The following MCU variants were observed in gnomAD, a reference collection of about 807,000 sequenced individuals.
The protein encoded by MCU is mitochondrial calcium uniporter.
Under a neutral mutation model 45.2 loss-of-function variants are expected in MCU, and 12 were observed. The observed-to-expected ratio is 0.27, with a 90% CI of 0.17 to 0.43. The LOEUF (loss-of-function observed/expected upper bound fraction) is 0.43, where lower values mean the gene tolerates loss of function less well. Among genes scored for constraint, MCU ranks in the 20% least tolerant of loss-of-function variants. The pLI, the probability that MCU is intolerant of heterozygous loss-of-function variation, is 1.00. For synonymous variants in MCU, 160 were observed against 165.1 expected (o/e 0.97, Z 0.24); for missense variants, 324 against 436.7 (o/e 0.74, Z 2.30).
At chr10:72,713,203 A>G (rs895195757) in intron 1 of MCU, among the ~76,000 whole-genome samples, 4 of 152,222 alleles carry the variant, frequency 2.6e-5, no homozygotes, top group African/African-American at 9.6e-5. Context: ...ATTAGAATGA[A>G]AAAATACTTT....
intron 1 of MCU, among the ~76,000 whole-genome samples, chr10:72,710,763 A>C (rs909889673): frequency 3.1e-4 from 47 of 151,818 alleles, no homozygotes; most frequent in African/African-American, 1.0e-3. Context: ...CATTCCTTAG[A>C]CCTCTCTCCC....
chr10:72,798,849 C>A (rs760652588), intron 1 of MCU, among the ~76,000 whole-genome samples: 35 of 152,106 alleles, frequency 2.3e-4, no homozygotes, highest in Non-Finnish European at 4.7e-4. Context: ...AATATAAAAT[C>A]AAACTATATT....
At chr10:72,787,308 G>A (rs998563631) in intron 1 of MCU, among the ~76,000 whole-genome samples, 3 of 152,154 alleles carry the variant, frequency 2.0e-5, no homozygotes, top group African/African-American at 7.2e-5. Flanking sequence ...TCGCTCTGTC[G>A]CCCAGGCTGG....
chr10:72,761,043 G>GT (rs1443456484), intron 1 of MCU, among the ~76,000 whole-genome samples: 1 of 152,044 alleles, frequency 6.6e-6, no homozygotes, highest in Non-Finnish European at 1.5e-5. Flanking sequence ...TAGTGCCACC[G>GT]TAGAATGTTA....
intron 1 of MCU, among the ~76,000 whole-genome samples, chr10:72,770,523 A>G (rs1385986889): frequency 2.0e-5 from 3 of 152,086 alleles, no homozygotes; most frequent in African/African-American, 7.2e-5. Context: ...ATAGGTATAT[A>G]TGTTACAAAC....
intron 1 of MCU, among the ~76,000 whole-genome samples, chr10:72,714,343 G>GTTTTTTTTTTTTTTTTTTTTTTT (rs1479850646): frequency 4.0e-5 from 2 of 49,488 alleles, no homozygotes; most frequent in Non-Finnish European, 1.1e-4. Context: ...CCCCGCCCTG[G>GTTTTTTTTTTTTTTTTTTTTTTT]TCTTTTTTTT....
intron 1 of MCU, among the ~76,000 whole-genome samples, chr10:72,823,190 G>C (rs1283821233): frequency 6.6e-6 from 1 of 152,236 alleles, no homozygotes; most frequent in East Asian, 1.9e-4. Flanking sequence ...CAATAAAAAG[G>C]AATTAAGTAC....
intron 1 of MCU, among the ~76,000 whole-genome samples, chr10:72,757,426 C>T (rs1328586532): frequency 6.6e-6 from 1 of 152,150 alleles, no homozygotes; most frequent in African/African-American, 2.4e-5. Flanking sequence ...TCCTACTTCC[C>T]CAACCCCCAC....
intron 1 of MCU, among the ~76,000 whole-genome samples, chr10:72,706,301 A>G (rs540669651): frequency 6.6e-6 from 1 of 152,064 alleles, no homozygotes; most frequent in Admixed American, 6.6e-5. Flanking sequence ...CCTGTACATT[A>G]GAAATATAGA....
At chr10:72,845,265 A>C (rs1845104252) in intron 2 of MCU, among the ~76,000 whole-genome samples, 1 of 152,160 alleles carries the variant, frequency 6.6e-6, no homozygotes, top group South Asian at 2.1e-4. Flanking sequence ...CAGATGAATT[A>C]AGGAGTAAAA....
chr10:72,880,032 A>G (rs1845676802), intron 6 of MCU, among the ~76,000 whole-genome samples: 1 of 152,236 alleles, frequency 6.6e-6, no homozygotes, highest in Admixed American at 6.5e-5. Flanking sequence ...TGGGTGACAG[A>G]GTGAGACTCT....
chr10:72,831,464 A>G (rs1044551285), intron 1 of MCU, among the ~76,000 whole-genome samples: 1 of 152,210 alleles, frequency 6.6e-6, no homozygotes, highest in African/African-American at 2.4e-5. Context: ...ATAAAATTAT[A>G]GTTATAACAT....
chr10:72,791,038 T>G (rs990678873), intron 1 of MCU, among the ~76,000 whole-genome samples: 2 of 152,220 alleles, frequency 1.3e-5, no homozygotes, highest in African/African-American at 4.8e-5. Flanking sequence ...AGTGTTCATA[T>G]TCTATATTCT....
intron 6 of MCU, among the ~76,000 whole-genome samples, chr10:72,882,529 A>G (rs1428256946): frequency 3.3e-5 from 5 of 152,182 alleles, no homozygotes; most frequent in East Asian, 1.9e-4. Context: ...CTATGGTCGA[A>G]ACTGTAGGGA....
At chr10:72,716,620 A>G (rs1353748591) in intron 1 of MCU, among the ~76,000 whole-genome samples, 1 of 152,024 alleles carries the variant, frequency 6.6e-6, no homozygotes, top group African/African-American at 2.4e-5. Context: ...GTGGTAGCTC[A>G]CACATGTAAT....
At chr10:72,786,727 C>T (rs1274276673) in intron 1 of MCU, among the ~76,000 whole-genome samples, 2 of 152,088 alleles carry the variant, frequency 1.3e-5, no homozygotes, top group Non-Finnish European at 2.9e-5. Context: ...ACCTGGGCAA[C>T]AGAGCGAGAC....
intron 7 of MCU, among the ~76,000 whole-genome samples, chr10:72,885,131 C>G (rs992943962): frequency 1.3e-5 from 2 of 152,100 alleles, no homozygotes; most frequent in Admixed American, 6.6e-5. Context: ...AAGTGGAGTT[C>G]TGTCTTCCTT....
chr10:72,719,709 G>A (rs1272400812), intron 1 of MCU, among the ~76,000 whole-genome samples: 1 of 152,018 alleles, frequency 6.6e-6, no homozygotes, highest in Non-Finnish European at 1.5e-5. Context: ...AGTGACTTGA[G>A]GATAAATCAC....
At chr10:72,728,080 CTGAGTA>C (rs907819211) in intron 1 of MCU, among the ~76,000 whole-genome samples, 4 of 151,954 alleles carry the variant, frequency 2.6e-5, no homozygotes, top group African/African-American at 9.7e-5. Flanking sequence ...ACTGTCTGTG[CTGAGTA>C]TGAGATGCCA....
Sources: allele counts gnomAD v4.1 joint callset (sites outside exome capture counted in the v4.1 genomes callset), GRCh38; gene constraint gnomAD v4.1.1; transcripts MANE v1.5; gene names NCBI Gene and HGNC (gene_info 2026-07-23, HGNC 2026-07-21).